Variants in NRXN3 observed in about 807,000 individuals in gnomAD.
NRXN3 encodes neurexin 3.
A neutral mutation model predicts 137.6 loss-of-function variants in NRXN3; 32 were observed. That is an observed-to-expected ratio of 0.23 (90% CI 0.18 to 0.31). The LOEUF is 0.31. Ranked by LOEUF, NRXN3 falls within the 10% of genes least tolerant of loss-of-function variation. The probability of loss-of-function intolerance (pLI) is 1.00; values close to 1 mark genes in which losing one functional copy is unlikely to be tolerated. For missense variants in NRXN3, 1,574 were observed against 2,062.5 expected, an observed-to-expected ratio of 0.76 and a Z score of 4.59; for synonymous variants, 798 against 784.5, an observed-to-expected ratio of 1.02 and a Z score of -0.29.
intron 16 of NRXN3, among the ~76,000 whole-genome samples, chr14:79,614,385 C>A (rs2098134202): frequency 6.6e-6 from 1 of 150,880 alleles, no homozygotes. Flanking sequence ...CCTTCATGAA[C>A]TTTTTTTTTT....
chr14:78,592,357 T>G (rs2097124821), intron 4 of NRXN3, among the ~76,000 whole-genome samples: 1 of 152,096 alleles, frequency 6.6e-6, no homozygotes. Context: ...ATGCTGGGCA[T>G]GGAGTGTGAT....
At chr14:79,015,602 A>G (rs916799449) in intron 15 of NRXN3, among the ~76,000 whole-genome samples, 1 of 152,184 alleles carries the variant, frequency 6.6e-6, no homozygotes, top group Non-Finnish European at 1.5e-5. Flanking sequence ...AGCAAAATCC[A>G]GAGAAGGACT....
chr14:78,350,063 G>A (rs2083275724), intron 4 of NRXN3, among the ~76,000 whole-genome samples: 1 of 152,150 alleles, frequency 6.6e-6, no homozygotes, highest in Non-Finnish European at 1.5e-5. Flanking sequence ...TGAGGCAGGT[G>A]GATCACCTGA....
At chr14:79,764,258 A>G (rs369135187) in intron 19 of NRXN3, among the ~76,000 whole-genome samples, 20 of 152,074 alleles carry the variant, frequency 1.3e-4, no homozygotes, top group African/African-American at 2.4e-4. Flanking sequence ...TTTAGTACCA[A>G]TTGCAGCCAT....
chr14:79,786,718 T>C (rs547361283), intron 19 of NRXN3, among the ~76,000 whole-genome samples: 10 of 152,250 alleles, frequency 6.6e-5, no homozygotes, highest in Non-Finnish European at 1.3e-4. Context: ...CTCTGTTAAC[T>C]GCCCAATGTT....
chr14:78,255,105 G>A (rs897294875), intron 2 of NRXN3, among the ~76,000 whole-genome samples: 1 of 149,338 alleles, frequency 6.7e-6, no homozygotes, highest in Non-Finnish European at 1.5e-5. Context: ...CCCTAAAGGG[G>A]ATGAGGCTAG....
chr14:79,384,331 A>G (rs2094546703), intron 15 of NRXN3, among the ~76,000 whole-genome samples: 2 of 152,216 alleles, frequency 1.3e-5, no homozygotes, highest in South Asian at 4.1e-4. Context: ...ACAGTCAGTT[A>G]ATGTCTAGGA....
intron 4 of NRXN3, among the ~76,000 whole-genome samples, chr14:78,349,934 G>C (rs779252377): frequency 6.6e-6 from 1 of 152,190 alleles, no homozygotes; most frequent in Admixed American, 6.5e-5. Flanking sequence ...CTGCCAACTT[G>C]AAGCTCCAAA....
In NRXN3 at chr14:78,810,314, C is replaced by T; in HGVS notation, c.2249-4C>T. On this transcript the variant is annotated splice_polypyrimidine_tract_variant and splice_region_variant and intron_variant, in intron 9 of 20. Transcript: ENST00000335750. The stretch of plus-strand genomic sequence containing the variant: ...TCATCTTTCATTTATTTTTCCCCAT[C>T]TAGACTGTATCAGGATAAACTGTAA... The T allele has an allele frequency of 6.6e-7, 1 of 1,511,368 alleles. No individual in the cohort carries two copies. The highest frequency in any genetic ancestry group is 1.3e-5 in the South Asian group (1 of 78,952). 93.6% of individuals were successfully genotyped at this position (1,511,368 alleles called of 1,614,324 possible). A position where few individuals can be genotyped will look rare whatever the true frequency, so the allele number is the denominator to read the frequency against.
At chr14:78,935,206 T>C (rs191754816) in intron 10 of NRXN3, among the ~76,000 whole-genome samples, 2 of 151,968 alleles carry the variant, frequency 1.3e-5, no homozygotes, top group South Asian at 2.1e-4. Context: ...CACTGAGAGG[T>C]TGTAGTAGTT....
At chr14:79,717,880 C>A (rs1406891470) in intron 19 of NRXN3, among the ~76,000 whole-genome samples, 1 of 152,182 alleles carries the variant, frequency 6.6e-6, no homozygotes, top group Non-Finnish European at 1.5e-5. Context: ...GCACCCTAGT[C>A]TCTCAGCGCA....
intron 15 of NRXN3, among the ~76,000 whole-genome samples, chr14:79,003,705 C>T (rs1391973414): frequency 6.6e-6 from 1 of 152,154 alleles, no homozygotes; most frequent in African/African-American, 2.4e-5. Context: ...TTGCAGATCA[C>T]TCTCCGGTGG....
At chr14:79,762,417 T>C (rs2099041777) in intron 19 of NRXN3, among the ~76,000 whole-genome samples, 1 of 151,576 alleles carries the variant, frequency 6.6e-6, no homozygotes, top group Admixed American at 6.6e-5. Flanking sequence ...TATTATAAAA[T>C]GGCTAATCTG....
At chr14:79,822,832 C>CA (rs1185173048) in intron 20 of NRXN3, among the ~76,000 whole-genome samples, 1 of 146,532 alleles carries the variant, frequency 6.8e-6, no homozygotes, top group African/African-American at 2.5e-5. Flanking sequence ...AACAAACAAA[C>CA]AAAAAAACCA....
At chr14:78,966,571 G>A (rs1385296384) in intron 12 of NRXN3, among the ~76,000 whole-genome samples, 165 bp downstream of exon 12, 1 of 152,180 alleles carries the variant, frequency 6.6e-6, no homozygotes, top group East Asian at 1.9e-4. Flanking sequence ...TATTAGGTCT[G>A]GAAAGGAGAG....
chr14:78,180,437 GT>G (rs1476009193), intron 1 of NRXN3, among the ~76,000 whole-genome samples: 2 of 152,258 alleles, frequency 1.3e-5, no homozygotes, highest in Non-Finnish European at 2.9e-5. Context: ...GCTGCATTAA[GT>G]TAAGTGCTTT....
At chr14:79,518,273 A>G (rs2097018522) in intron 16 of NRXN3, among the ~76,000 whole-genome samples, 1 of 152,050 alleles carries the variant, frequency 6.6e-6, no homozygotes, top group African/African-American at 2.4e-5. Context: ...TAATTTGTAT[A>G]TGTTAGCATA....
intron 18 of NRXN3, among the ~76,000 whole-genome samples, chr14:79,696,031 C>T (rs939503181): frequency 1.6e-4 from 24 of 151,968 alleles, no homozygotes; most frequent in Non-Finnish European, 2.5e-4. Context: ...TTAATGGGCA[C>T]TATGAGTTGC....
chr14:79,524,921 C>T (rs1449113209), intron 16 of NRXN3, among the ~76,000 whole-genome samples: 7 of 152,068 alleles, frequency 4.6e-5, no homozygotes, highest in Admixed American at 2.6e-4. Flanking sequence ...GAGGCCTGGC[C>T]GTGTAGACTC....
Sources: gnomAD v4.1 joint callset for allele counts (sites outside exome capture counted in the v4.1 genomes callset) on GRCh38, gnomAD v4.1.1 for gene constraint, MANE v1.5 for transcripts, NCBI Gene and HGNC (gene_info 2026-07-23, HGNC 2026-07-21) for gene names.